Variants in RAVER2 observed in about 807,000 individuals in gnomAD.
The protein encoded by RAVER2 is ribonucleoprotein PTB-binding 2.
RAVER2 carries 46 observed loss-of-function variants against 78.1 expected under a neutral mutation model. The ratio of observed to expected loss-of-function variants is 0.59; its 90% CI spans 0.46 to 0.75. RAVER2 has a LOEUF of 0.75. Among genes scored for constraint, RAVER2 ranks in the 30% least tolerant of loss-of-function variants. RAVER2 has a pLI of 0.00. For missense variants in RAVER2, 793 were observed against 837.5 expected, an observed-to-expected ratio of 0.95 and a Z score of 0.66; for synonymous variants, 311 against 313.3, an observed-to-expected ratio of 0.99 and a Z score of 0.08.
intron 2 of RAVER2, among the ~76,000 whole-genome samples, chr1:64,772,634 G>C: frequency 6.6e-6 from 1 of 152,164 alleles, no homozygotes; most frequent in South Asian, 2.1e-4. Flanking sequence ...AGATCATGAT[G>C]GAGTAATGCA....
At chr1:64,787,684 C>T (rs1229566855) in intron 4 of RAVER2, among the ~76,000 whole-genome samples, 1 of 152,208 alleles carries the variant, frequency 6.6e-6, no homozygotes, top group Non-Finnish European at 1.5e-5. Flanking sequence ...TGCCATCCTG[C>T]TGTTCGTTGG....
At chr1:64,824,357 C>G (rs1557608037) in intron 11 of RAVER2, among the ~76,000 whole-genome samples, 1 of 152,162 alleles carries the variant, frequency 6.6e-6, no homozygotes, top group Admixed American at 6.5e-5. Flanking sequence ...CATATGGAGC[C>G]TAATGCTGCC....
chr1:64,786,015 C>A (rs1652770680), intron 4 of RAVER2, among the ~76,000 whole-genome samples: 1 of 151,996 alleles, frequency 6.6e-6, no homozygotes, highest in African/African-American at 2.4e-5. Flanking sequence ...ATTTTTATTT[C>A]TTTGTGATAC....
rs1362749832 is a variant in RAVER2, at chr1:64,830,820, C to T, written c.1930-19C>T. On this transcript the variant is annotated intron_variant, in intron 11 of 11. Coordinates refer to ENST00000294428, the Ensembl canonical transcript of RAVER2. ...CAACTTTAGATTTTAAAACTAGCTG[C>T]AATTTTATTTTCTCATAGGTGTCAT... 3.2e-6 allele frequency: 5 copies of T among 1,560,682 alleles called. No individual in the cohort carries two copies. The highest frequency in any genetic ancestry group is 4.4e-6 in the Non-Finnish European group (5 of 1,149,352).
chr1:64,747,922 G>A (rs1651588638), intron 1 of RAVER2, among the ~76,000 whole-genome samples: 1 of 152,108 alleles, frequency 6.6e-6, no homozygotes, highest in African/African-American at 2.4e-5. Flanking sequence ...TAACTTACTA[G>A]TAGAAACCCA....
chr1:64,794,082 A>G (rs1227095803), intron 5 of RAVER2, among the ~76,000 whole-genome samples: 5 of 152,084 alleles, frequency 3.3e-5, no homozygotes, highest in African/African-American at 1.2e-4. Context: ...GGAATGGCTG[A>G]GTCATATGGT....
At chr1:64,802,853 T>C (rs1653306191) in intron 5 of RAVER2, 123 bp from the exon 6 acceptor site, 3 of 565,626 alleles carry the variant, frequency 5.3e-6, no homozygotes, top group Non-Finnish European at 9.3e-6. Context: ...CACTATATCA[T>C]TGAACTTTCA....
intron 1 of RAVER2, among the ~76,000 whole-genome samples, chr1:64,761,966 G>T (rs1652036293): frequency 6.6e-6 from 1 of 151,254 alleles, no homozygotes; most frequent in Admixed American, 6.6e-5. Context: ...AAAAAAATTA[G>T]CTGGGCCTAG....
intron 5 of RAVER2, among the ~76,000 whole-genome samples, chr1:64,796,350 A>G (rs1272728003): frequency 1.3e-5 from 2 of 151,956 alleles, no homozygotes; most frequent in African/African-American, 4.8e-5. Flanking sequence ...GTTCAGTGCT[A>G]TTATTTCTTC....
intron 11 of RAVER2, among the ~76,000 whole-genome samples, chr1:64,828,960 A>G (rs1359475347): frequency 6.6e-6 from 1 of 152,092 alleles, no homozygotes; most frequent in Non-Finnish European, 1.5e-5. Flanking sequence ...TACTCAACGT[A>G]ATGTTTGCAG....
intron 5 of RAVER2, among the ~76,000 whole-genome samples, chr1:64,795,802 C>A (rs1476416093): frequency 6.6e-6 from 1 of 151,758 alleles, no homozygotes; most frequent in Non-Finnish European, 1.5e-5. Flanking sequence ...TTTTTCCTTG[C>A]TTTTTTGCAT....
At chr1:64,749,898 G>T (rs749026615) in intron 1 of RAVER2, among the ~76,000 whole-genome samples, 9 of 152,124 alleles carry the variant, frequency 5.9e-5, no homozygotes, top group Non-Finnish European at 1.2e-4. Context: ...GAAAACAGGG[G>T]CATTTGCTTC....
intron 2 of RAVER2, among the ~76,000 whole-genome samples, chr1:64,771,104 T>G (rs12027095): frequency 0.1 from 15,609 of 151,996 alleles, 1,079 homozygotes; most frequent in East Asian, 0.28. Context: ...AAAACTACAG[T>G]GTACGTTGTA....
chr1:64,802,790 C>G lies in RAVER2; in HGVS notation c.1106-186C>G, dbSNP rs151156058. 5.1e-4 allele frequency among the ~76,000 whole-genome samples: 78 copies of G among 152,168 alleles called. 1 individual carries two copies. In the East Asian group the frequency reaches 0.014, roughly 28 times the overall value. ...AGGCTTTTGAATTTTAAAGCAAATT[C>G]CAGGGTTGAATCTCAGGGAAAGGTA... On this transcript the variant is annotated intron_variant, in intron 5 of 11. Transcript: ENST00000294428.
intron 4 of RAVER2, among the ~76,000 whole-genome samples, chr1:64,784,845 T>G (rs1478790118): frequency 6.6e-6 from 1 of 152,212 alleles, no homozygotes; most frequent in East Asian, 1.9e-4. Flanking sequence ...CCTTTCAATT[T>G]CACCTCCTAA....
intron 8 of RAVER2, 93 bp from the exon 9 acceptor site, chr1:64,807,113 C>G (rs2100877455): frequency 7.1e-7 from 1 of 1,407,936 alleles, no homozygotes. Context: ...ATTGGTTTCT[C>G]TGCATTTTGC....
At chr1:64,785,309 G>A (rs894961355) in intron 4 of RAVER2, among the ~76,000 whole-genome samples, 3 of 150,480 alleles carry the variant, frequency 2.0e-5, no homozygotes, top group African/African-American at 4.9e-5. Context: ...TTTCTTTAGC[G>A]TCGTTTGAGA....
At chr1:64,784,057 A>G (rs573341709) in intron 4 of RAVER2, among the ~76,000 whole-genome samples, 11 of 152,308 alleles carry the variant, frequency 7.2e-5, no homozygotes, top group African/African-American at 1.9e-4. Context: ...CTACATTTCA[A>G]TCTTTTATTG....
At chr1:64,825,161 A>G (rs940762306) in intron 11 of RAVER2, among the ~76,000 whole-genome samples, 1 of 152,120 alleles carries the variant, frequency 6.6e-6, no homozygotes, top group African/African-American at 2.4e-5. Context: ...ATTTTGAAAC[A>G]TTTTTAACAA....
Sources: allele counts gnomAD v4.1 joint callset (sites outside exome capture counted in the v4.1 genomes callset), GRCh38; gene constraint gnomAD v4.1.1; transcripts MANE v1.5; gene names NCBI Gene and HGNC (gene_info 2026-07-23, HGNC 2026-07-21).